PLEKHO2: variants seen among roughly 807,000 people sequenced by gnomAD.
PLEKHO2 encodes pleckstrin homology domain-containing family O member 2.
In PLEKHO2, 20 loss-of-function variants were observed where a neutral mutation model predicts 32.7. The observed-to-expected ratio is 0.61, with a 90% CI of 0.43 to 0.89. The LOEUF is 0.89. Among genes scored for constraint, PLEKHO2 ranks in the 40% least tolerant of loss-of-function variants. The pLI is 0.00. For missense variants in PLEKHO2, 568 were observed against 621.2 expected (o/e 0.91, Z 0.91); for synonymous variants, 247 against 246.3 (o/e 1.00, Z -0.03).
rs2084670892 is a variant in PLEKHO2, at chr15:64,864,999, A to G, written c.584A>G (p.Gln195Arg). Reference protein sequence around the residue: ...FAPSNHVSEAQPRETPRPLMP... With the variant: ...FAPSNHVSEARPRETPRPLMP... ...CCCAGCAATCATGTCAGTGAAGCCC[A>G]ACCTCGGGAGACACCCCGGCCCCTC... Residue 195 changes from glutamine to arginine, a missense_variant, in exon 6 of 6, where the codon CAA (glutamine) becomes CGA (arginine). Physicochemically the swap from Gln to Arg is conservative, Grantham distance 43. Transcript: ENST00000323544. 6.2e-7 allele frequency: 1 copy of G among 1,613,976 alleles called. No individual in the cohort carries two copies. Among genetic ancestry groups the G allele is most frequent in the Admixed American group, 1.7e-5 (1 of 60,000 alleles).
intron 3 of PLEKHO2, among the ~76,000 whole-genome samples, chr15:64,859,000 T>G (rs2084624674): frequency 6.6e-6 from 1 of 152,182 alleles, no homozygotes; most frequent in Admixed American, 6.5e-5. Context: ...TCTAGGTACC[T>G]CATATAGGTG....
intron 5 of PLEKHO2, among the ~76,000 whole-genome samples, chr15:64,863,611 G>GT (rs1296158332): frequency 3.3e-5 from 5 of 152,070 alleles, no homozygotes; most frequent in Admixed American, 3.3e-4. Context: ...CAGGTCCTGT[G>GT]TATGTATAAA....
Position 64,867,660 on chromosome 15 carries a change from A to G in PLEKHO2, c.*1772A>G, listed in dbSNP as rs1431632771. 2 of 151,814 alleles carry G rather than the reference A, an allele frequency of 1.3e-5. No individual in the cohort carries two copies. The highest frequency in any genetic ancestry group is 4.8e-5 in the African/African-American group (2 of 41,320). The allele number at this position is 151,814 out of a possible 1,614,324, so 9.4% of individuals were successfully genotyped here. A position where few individuals can be genotyped will look rare whatever the true frequency, so the allele number is the denominator to read the frequency against. On this transcript the variant is annotated 3_prime_UTR_variant, in exon 6 of 6. Transcript: ENST00000323544. ...AGTTCCCTCCTGTGTCAAGTAGCTAACTGCAGCAGCTGGACTGAGGGCAGA... is the reference window on the plus strand; with the variant it reads ...AGTTCCCTCCTGTGTCAAGTAGCTAGCTGCAGCAGCTGGACTGAGGGCAGA...
At chr15:64,864,692 T>C (rs1369661440) in intron 5 of PLEKHO2, among the ~76,000 whole-genome samples, 1 of 152,148 alleles carries the variant, frequency 6.6e-6, no homozygotes, top group East Asian at 1.9e-4. Flanking sequence ...GGGAATTCTT[T>C]GGTGGTGAGG....
chr15:64,865,482 C>T lies in PLEKHO2; in HGVS notation c.1067C>T (p.Ser356Phe). ...MDDSPEPAKP[S>F]QAEGTPGTPP... ...GACAGTCCTGAGCCTGCCAAGCCCT[C>T]TCAGGCTGAGGGCACCCCAGGAACT... Residue 356 changes from serine (S) to phenylalanine (F), a missense_variant, in exon 6 of 6, where the codon TCT becomes TTT. Physicochemically the swap from Ser to Phe is radical, Grantham distance 155 (BLOSUM62 -2). Coordinates refer to ENST00000323544, the MANE Select transcript of PLEKHO2 (RefSeq NM_025201.5). The T allele has an allele frequency of 1.2e-6, 2 of 1,614,068 alleles. No homozygotes were observed. The highest frequency in any genetic ancestry group is 1.7e-6 in the Non-Finnish European group (2 of 1,180,016).
At chr15:64,851,707 G>A (rs2084570790) in intron 2 of PLEKHO2, among the ~76,000 whole-genome samples, 1 of 152,136 alleles carries the variant, frequency 6.6e-6, no homozygotes, top group Admixed American at 6.5e-5. Flanking sequence ...CAGAAGAGCT[G>A]GGATGATTCA....
rs764496167 is a variant in PLEKHO2, at chr15:64,865,664, A to G, written c.1249A>G (p.Lys417Glu). 1.2e-6 allele frequency: 2 copies of G among 1,614,214 alleles called. No individual in the cohort carries two copies. Among genetic ancestry groups the G allele is most frequent in the Admixed American group, 3.3e-5 (2 of 60,034 alleles). Residue 417 changes from lysine (K) to glutamate (E), a missense_variant, in exon 6 of 6, where the codon AAG becomes GAG. Physicochemically the swap from Lys to Glu is moderately conservative, Grantham distance 56. Transcript: ENST00000323544. ...GCTATATCGGGCCCAGCTGGAGGTG[A>G]AGGTGGCCTCGGAACAGACGGAGAA... ...ERLYRAQLEV[K>E]VASEQTEKLL...
chr15:64,847,356 G>A (rs1444454736), intron 1 of PLEKHO2, among the ~76,000 whole-genome samples: 2 of 152,042 alleles, frequency 1.3e-5, no homozygotes, highest in African/African-American at 2.4e-5. Context: ...AAATTATAAC[G>A]TAGTCAAAAT....
At position 64,861,493 on chromosome 15, in the gene PLEKHO2, G is replaced by A. The variant is rs537391116; in HGVS notation, c.401G>A (p.Ser134Asn). The A allele has an allele frequency of 1.9e-6, 3 of 1,604,170 alleles. No homozygotes were observed. The highest frequency in any genetic ancestry group is 2.7e-5 in the African/African-American group (2 of 74,938). Residue 134 changes from serine (S) to asparagine (N), a missense_variant, in exon 5 of 6, where the codon AGC (serine) becomes AAC (asparagine). Ser to Asn is a conservative substitution (Grantham distance 46). Coordinates refer to ENST00000323544, the MANE Select transcript of PLEKHO2 (RefSeq NM_025201.5). Reference protein sequence around the residue: ...KAFDEVKVDKSCALEHVTRDR... With the variant: ...KAFDEVKVDKNCALEHVTRDR... ...TCCCTCCAGGTAAAGGTGGACAAGA[G>A]CTGCGCCCTGGAGCATGTGACACGG...
At chr15:64,848,853 T>C in intron 2 of PLEKHO2, 111 bp downstream of exon 2, 2 of 1,403,176 alleles carry the variant, frequency 1.4e-6, no homozygotes, top group Non-Finnish European at 2.0e-6. Flanking sequence ...TGCTCTACTT[T>C]TGCCATGCTG....
At position 64,867,226 on chromosome 15, in the gene PLEKHO2, G is replaced by C. The variant is rs1004540173; in HGVS notation, c.*1338G>C. On this transcript the variant is annotated 3_prime_UTR_variant, in exon 6 of 6. Coordinates refer to ENST00000323544, the MANE Select transcript of PLEKHO2 (RefSeq NM_025201.5). ...TTTGTTTACTGAAAGAGAGAAAGGGGGGGGTCACAGCAACATGCCCTGGCC... is the reference window on the plus strand; with the variant it reads ...TTTGTTTACTGAAAGAGAGAAAGGGCGGGGTCACAGCAACATGCCCTGGCC... The C allele has an allele frequency of 1.3e-5, 2 of 152,792 alleles. No homozygotes were observed. The highest frequency in any genetic ancestry group is 2.9e-5 in the Non-Finnish European group (2 of 68,180). The allele number at this position is 152,792 out of a possible 1,614,324, so 9.5% of individuals were successfully genotyped here. A position where few individuals can be genotyped will look rare whatever the true frequency, so the allele number is the denominator to read the frequency against.
intron 1 of PLEKHO2, 152 bp downstream of exon 1, chr15:64,842,180 C>T (rs2084488941): frequency 2.8e-6 from 2 of 724,782 alleles, no homozygotes; most frequent in Admixed American, 4.3e-5. Flanking sequence ...GGGCGAGGGG[C>T]TGGATCCATA....
intron 1 of PLEKHO2, among the ~76,000 whole-genome samples, chr15:64,847,278 T>G (rs2084529663): frequency 6.6e-6 from 1 of 152,186 alleles, no homozygotes; most frequent in Admixed American, 6.5e-5. Flanking sequence ...AAGGCAGCTG[T>G]GGCCACAGGA....
At chr15:64,844,581 A>G (rs1349143958) in intron 1 of PLEKHO2, among the ~76,000 whole-genome samples, 1 of 152,018 alleles carries the variant, frequency 6.6e-6, no homozygotes, top group African/African-American at 2.4e-5. Context: ...TGCCCTCACC[A>G]TCTAGAGACA....
At chr15:64,853,455 A>AT (rs986385800) in intron 2 of PLEKHO2, among the ~76,000 whole-genome samples, 7 of 149,694 alleles carry the variant, frequency 4.7e-5, no homozygotes, top group Non-Finnish European at 8.9e-5. Context: ...TGCCCGGCTA[A>AT]TTTTTTTTTG....
chr15:64,865,261 C>T lies in PLEKHO2; in HGVS notation c.846C>T (p.Ala282=), dbSNP rs138474762. Residue 282 remains alanine, a synonymous_variant, in exon 6 of 6, where the codon GCC becomes GCT. Transcript: ENST00000323544. The stretch of plus-strand genomic sequence containing the variant: ...GGGAGAACCCCAGCCCCCAGGAGGC[C>T]CCTGCTGCAGAGAGTGCAGAACCGT... ...VSWENPSPQE[A]PAAESAEPSQ... 6.2e-7 allele frequency: 1 copy of T among 1,613,970 alleles called. No individual in the cohort carries two copies. Among genetic ancestry groups the T allele is most frequent in the Non-Finnish European group, 8.5e-7 (1 of 1,179,900 alleles).
chr15:64,864,762 G>C, intron 5 of PLEKHO2, 137 bp from the exon 6 acceptor site: 1 of 857,822 alleles, frequency 1.2e-6, no homozygotes, highest in South Asian at 1.9e-5. Flanking sequence ...AGCCACAGAA[G>C]CCAGGACAGA....
chr15:64,859,367 C>T (rs74019334), intron 3 of PLEKHO2, among the ~76,000 whole-genome samples: 22 of 152,336 alleles, frequency 1.4e-4, no homozygotes, highest in African/African-American at 4.8e-4. Context: ...CTGTCCTGCT[C>T]AGAGGCCCTA....
intron 1 of PLEKHO2, among the ~76,000 whole-genome samples, chr15:64,844,490 A>G (rs1055050446): frequency 2.6e-5 from 4 of 152,136 alleles, no homozygotes; most frequent in Non-Finnish European, 5.9e-5. Flanking sequence ...GAAATCCTGG[A>G]CCTAGGCTTT....
Sources: allele counts gnomAD v4.1 joint callset (sites outside exome capture counted in the v4.1 genomes callset), GRCh38; gene constraint gnomAD v4.1.1; transcripts MANE v1.5; gene names NCBI Gene and HGNC (gene_info 2026-07-23, HGNC 2026-07-21).